THSD7A: variants seen among roughly 807,000 people sequenced by gnomAD.
The protein encoded by THSD7A is thrombospondin type 1 domain containing 7A, also known as thrombospondin type-1 domain-containing protein 7A.
Under a neutral mutation model 231.3 loss-of-function variants are expected in THSD7A, and 96 were observed. That is an observed-to-expected ratio of 0.41 (90% CI 0.35 to 0.49). THSD7A has a LOEUF of 0.49. Ranked by LOEUF, THSD7A falls within the 20% of genes least tolerant of loss-of-function variation. THSD7A has a pLI of 0.05. For synonymous variants in THSD7A, 940 were observed against 743.3 expected, an observed-to-expected ratio of 1.26 and a Z score of -4.30; for missense variants, 2,290 against 2,070.2, an observed-to-expected ratio of 1.11 and a Z score of -2.06.
chr7:11,376,458 G>T, intron 27 of THSD7A, 112 bp downstream of exon 27: 1 of 829,294 alleles, frequency 1.2e-6, no homozygotes, highest in Non-Finnish European at 1.8e-6. Flanking sequence ...TGTTTATTTA[G>T]AAATTCATGT....
intron 1 of THSD7A, among the ~76,000 whole-genome samples, chr7:11,689,168 G>T (rs929859670): frequency 4.0e-5 from 6 of 151,754 alleles, no homozygotes; most frequent in Non-Finnish European, 1.5e-5. Context: ...TCTGAGCCAC[G>T]GAATTCTTTA....
At chr7:11,633,446 A>C (rs1781726076) in intron 2 of THSD7A, among the ~76,000 whole-genome samples, 1 of 152,174 alleles carries the variant, frequency 6.6e-6, no homozygotes, top group Non-Finnish European at 1.5e-5. Flanking sequence ...TTTCAAGCAG[A>C]ACTCAAGTAT....
chr7:11,435,878 TGA>T (rs1784618319), intron 13 of THSD7A, among the ~76,000 whole-genome samples: 1 of 151,974 alleles, frequency 6.6e-6, no homozygotes, highest in South Asian at 2.1e-4. Context: ...ATATCTGAAG[TGA>T]GAGGAGTCTT....
At chr7:11,454,768 A>G (rs539185394) in intron 11 of THSD7A, among the ~76,000 whole-genome samples, 1 of 152,120 alleles carries the variant, frequency 6.6e-6, no homozygotes, top group East Asian at 1.9e-4. Context: ...GCATGCATTC[A>G]ATAAATATTT....
chr7:11,583,642 T>G lies in THSD7A; in HGVS notation c.1453+6818A>C, dbSNP rs562901349. Among the ~76,000 whole-genome samples, 520 of 152,276 alleles carry G rather than the reference T, an allele frequency of 3.4e-3. 2 individuals are homozygous for G. The highest frequency in any genetic ancestry group is 0.012 in the African/African-American group (502 of 41,562). On this transcript the variant is annotated intron_variant, in intron 4 of 27. Transcript: ENST00000423059. Reference sequence around the variant, plus strand: ...TCTAATCTTACTGCTTGTTAGGCATTTTAAATCCTGTTTATGATGGATTAT... The same window carrying G: ...TCTAATCTTACTGCTTGTTAGGCATGTTAAATCCTGTTTATGATGGATTAT...
At chr7:11,440,503 CCATTAAGAA>C (rs1227321628) in intron 13 of THSD7A, among the ~76,000 whole-genome samples, 2 of 152,000 alleles carry the variant, frequency 1.3e-5, no homozygotes, top group African/African-American at 4.8e-5. Context: ...AACCTAGATG[CCATTAAGAA>C]CATTCATGAT....
At chr7:11,803,133 G>A (rs990809343) in intron 1 of THSD7A, among the ~76,000 whole-genome samples, 1 of 152,174 alleles carries the variant, frequency 6.6e-6, no homozygotes, top group African/African-American at 2.4e-5. Context: ...AGTTAAGAGG[G>A]TGAAGGTGGG....
Position 11,474,162 on chromosome 7 carries a change from T to C in THSD7A, c.2252+172A>G, listed in dbSNP as rs1786050649. ...AATTTATGGTTCCCCAGTATAAAAC[T>C]CAAAGCTGTTATAGCTTTATCAGTG... On this transcript the variant is annotated intron_variant, in intron 8 of 27. Transcript: ENST00000423059. The surrounding 1 kb of genome is among the most constrained non-coding windows in gnomAD (Gnocchi z 4.1). 6.6e-6 allele frequency among the ~76,000 whole-genome samples: 1 copy of C among 152,166 alleles called. No homozygotes were observed. Among genetic ancestry groups the C allele is most frequent in the South Asian group, 2.1e-4 (1 of 4,832 alleles).
At chr7:11,556,503 T>C (rs922742642) in intron 4 of THSD7A, among the ~76,000 whole-genome samples, 1 of 151,856 alleles carries the variant, frequency 6.6e-6, no homozygotes, top group African/African-American at 2.4e-5. Flanking sequence ...CTGTCAAATA[T>C]AATTTAGAAA....
At chr7:11,599,193 T>A (rs1230293541) in intron 2 of THSD7A, among the ~76,000 whole-genome samples, 3 of 152,174 alleles carry the variant, frequency 2.0e-5, no homozygotes, top group East Asian at 1.9e-4. Context: ...AGTATTACCA[T>A]GCCCTGTGAT....
chr7:11,679,223 C>G (rs1229480230), intron 1 of THSD7A, among the ~76,000 whole-genome samples: 1 of 152,160 alleles, frequency 6.6e-6, no homozygotes, highest in Non-Finnish European at 1.5e-5. Context: ...CTATTTATGA[C>G]AAACCCACAG....
At chr7:11,465,362 T>C (rs980744488) in intron 9 of THSD7A, among the ~76,000 whole-genome samples, 4 of 152,126 alleles carry the variant, frequency 2.6e-5, no homozygotes, top group African/African-American at 9.7e-5. Flanking sequence ...CACCTGCCTG[T>C]GACGTTTGTG....
chr7:11,514,731 T>C (rs762707774), intron 6 of THSD7A, among the ~76,000 whole-genome samples: 1 of 152,214 alleles, frequency 6.6e-6, no homozygotes, highest in Non-Finnish European at 1.5e-5. Context: ...TATTCAGTAA[T>C]ATTAAACAAT....
Position 11,600,861 on chromosome 7 carries a change from A to T in THSD7A, c.1023-7359T>A, listed in dbSNP as rs368110177. On this transcript the variant is annotated intron_variant, in intron 2 of 27. Transcript: ENST00000423059. ...CCAGGAGACAATTACAGCTCAAAGCATCACAGTCAATTTGTCTGAGTTGAG... is the reference window on the plus strand; with the variant it reads ...CCAGGAGACAATTACAGCTCAAAGCTTCACAGTCAATTTGTCTGAGTTGAG... 1.3e-5 allele frequency among the ~76,000 whole-genome samples: 2 copies of T among 152,330 alleles called. 1 individual carries two copies. Among genetic ancestry groups the T allele is most frequent in the African/African-American group, 4.8e-5 (2 of 41,582 alleles).
At chr7:11,673,930 T>G (rs1278387830) in intron 1 of THSD7A, among the ~76,000 whole-genome samples, 1 of 152,078 alleles carries the variant, frequency 6.6e-6, no homozygotes, top group Non-Finnish European at 1.5e-5. Flanking sequence ...AAGCCCAGGC[T>G]GGAGAAGTCA....
At chr7:11,407,468 G>A (rs758681519) in intron 19 of THSD7A, 45 bp from the exon 20 acceptor site, 4 of 1,415,486 alleles carry the variant, frequency 2.8e-6, no homozygotes, top group Admixed American at 1.9e-5. Context: ...TAAATTGGGG[G>A]AGGGAGCCAG....
intron 7 of THSD7A, among the ~76,000 whole-genome samples, chr7:11,475,354 C>T (rs1373781096): frequency 6.6e-6 from 1 of 151,868 alleles, no homozygotes; most frequent in Non-Finnish European, 1.5e-5. Context: ...CTGTGGGGTA[C>T]TTCAGGAGAT....
At chr7:11,412,037 A>G (rs959978960) in intron 18 of THSD7A, among the ~76,000 whole-genome samples, 1 of 152,178 alleles carries the variant, frequency 6.6e-6, no homozygotes, top group African/African-American at 2.4e-5. Context: ...AAAAATTCCA[A>G]AGTAAGCTTT....
chr7:11,447,952 T>C (rs1785026240), intron 11 of THSD7A, among the ~76,000 whole-genome samples: 1 of 152,146 alleles, frequency 6.6e-6, no homozygotes, highest in African/African-American at 2.4e-5. Flanking sequence ...CTTATAGAAC[T>C]TATCTTGAAA....
Sources: allele counts gnomAD v4.1 joint callset (sites outside exome capture counted in the v4.1 genomes callset), GRCh38; gene constraint gnomAD v4.1.1; non-coding constraint Gnocchi (gnomAD v3.1); transcripts MANE v1.5; gene names NCBI Gene and HGNC (gene_info 2026-07-23, HGNC 2026-07-21).